The following ENTPD1 variants were observed in gnomAD, a reference collection of about 807,000 sequenced individuals.
The protein encoded by ENTPD1 is ATP diphosphohydrolase.
Under a neutral mutation model 57.0 loss-of-function variants are expected in ENTPD1, and 33 were observed. The observed-to-expected ratio is 0.58, with a 90% CI of 0.44 to 0.77. The LOEUF (loss-of-function observed/expected upper bound fraction) is 0.77, where lower values mean the gene tolerates loss of function less well. Ranked by LOEUF, ENTPD1 falls within the 30% of genes least tolerant of loss-of-function variation. The pLI is 0.00. For missense variants in ENTPD1, 501 were observed against 603.4 expected (o/e 0.83, Z 1.78); for synonymous variants, 202 against 218.8 (o/e 0.92, Z 0.68).
intron 7 of ENTPD1, among the ~76,000 whole-genome samples, chr10:95,853,780 G>A (rs2098449596): frequency 1.3e-5 from 2 of 152,196 alleles, no homozygotes; most frequent in Admixed American, 1.3e-4. Context: ...CAGGGATGAA[G>A]CCCACTTCAT....
intron 1 of ENTPD1, among the ~76,000 whole-genome samples, chr10:95,771,794 A>G (rs957741703): frequency 1.3e-5 from 2 of 152,162 alleles, no homozygotes; most frequent in East Asian, 1.9e-4. Flanking sequence ...ATTAGTCAAG[A>G]ACTGCCACCC....
chr10:95,706,759 T>C, the ENTPD1 span, among the ~76,000 whole-genome samples: 1 of 151,684 alleles, frequency 6.6e-6, no homozygotes, highest in African/African-American at 2.4e-5. Context: ...CAGCAGGGAG[T>C]CCCCACTCTG....
At chr10:95,752,153 T>C (rs2098013025), upstream of ENTPD1, among the ~76,000 whole-genome samples, 1 of 152,156 alleles carries the variant, frequency 6.6e-6, no homozygotes, top group Non-Finnish European at 1.5e-5. Flanking sequence ...TGGTCTTTGC[T>C]TTACAGGCCA....
At chr10:95,745,982 C>T (rs2098005653) in intron 1 of ENTPD1, among the ~76,000 whole-genome samples, 1 of 152,218 alleles carries the variant, frequency 6.6e-6, no homozygotes, top group South Asian at 2.1e-4. Context: ...CCTCTCCCAA[C>T]ATGGCCTCAG....
intron 1 of ENTPD1, among the ~76,000 whole-genome samples, chr10:95,806,702 G>A (rs1044220666): frequency 2.6e-5 from 4 of 152,182 alleles, no homozygotes; most frequent in Non-Finnish European, 5.9e-5. Context: ...TGATGTTGAT[G>A]CTATTTCCTT....
At position 95,876,461 on chromosome 10, in the gene ENTPD1, T is replaced by C. The variant is rs1423524326; in HGVS notation, c.*10078T>C. The stretch of plus-strand genomic sequence containing the variant: ...ATAGGCATACCATAATTGTAATCAA[T>C]AGCTTAAAAATATGTCTCTCTGTCC... On this transcript the variant is annotated 3_prime_UTR_variant, in exon 10 of 10. Transcript: ENST00000371205. 30 of 1,231,278 alleles carry C rather than the reference T, an allele frequency of 2.4e-5. No homozygotes were observed. The highest frequency in any genetic ancestry group is 2.9e-5 in the Non-Finnish European group (29 of 987,830). 76.3% of individuals were successfully genotyped at this position (1,231,278 alleles called of 1,614,324 possible).
intron 1 of ENTPD1, among the ~76,000 whole-genome samples, chr10:95,734,673 A>G (rs572604182): frequency 3.3e-5 from 5 of 152,246 alleles, no homozygotes; most frequent in Non-Finnish European, 7.3e-5. Context: ...AATGTTTATT[A>G]GTCAAGTATG....
upstream of ENTPD1, among the ~76,000 whole-genome samples, chr10:95,709,805 G>A (rs142662663): frequency 0.016 from 2,377 of 151,960 alleles, 62 homozygotes; most frequent in African/African-American, 0.054. Context: ...TCCCTCTGTC[G>A]TCCAGGCTGA....
intron 1 of ENTPD1, among the ~76,000 whole-genome samples, chr10:95,727,390 T>C (rs941681575): frequency 3.3e-5 from 5 of 152,234 alleles, no homozygotes; most frequent in African/African-American, 9.6e-5. Context: ...TCAAGGTCTC[T>C]ACCTCCTGTT....
At chr10:95,800,636 G>A (rs951559283) in intron 1 of ENTPD1, among the ~76,000 whole-genome samples, 1 of 152,082 alleles carries the variant, frequency 6.6e-6, no homozygotes, top group African/African-American at 2.4e-5. Context: ...CCCCAGGAAT[G>A]CATTCCTTCC....
chr10:95,775,398 G>T (rs997487386), intron 1 of ENTPD1, among the ~76,000 whole-genome samples: 4 of 152,182 alleles, frequency 2.6e-5, no homozygotes, highest in Non-Finnish European at 5.9e-5. Flanking sequence ...GGGCATCTCT[G>T]TCTTGTGCCA....
At chr10:95,730,688 A>T (rs1419670359) in intron 1 of ENTPD1, among the ~76,000 whole-genome samples, 1 of 152,242 alleles carries the variant, frequency 6.6e-6, no homozygotes. Flanking sequence ...TAAAAAAGAT[A>T]TGTGGTGGTA....
At chr10:95,783,974 A>G (rs1019684470) in intron 1 of ENTPD1, among the ~76,000 whole-genome samples, 2 of 152,148 alleles carry the variant, frequency 1.3e-5, no homozygotes, top group African/African-American at 2.4e-5. Context: ...GAAAGCGGGT[A>G]GAAAATCTAT....
chr10:95,724,778 A>G (rs868718489), intron 1 of ENTPD1, among the ~76,000 whole-genome samples: 1 of 152,244 alleles, frequency 6.6e-6, no homozygotes, highest in Admixed American at 6.5e-5. Context: ...TCAAGCCATA[A>G]CAAACATGGA....
At chr10:95,860,774 A>G in intron 8 of ENTPD1, among the ~76,000 whole-genome samples, 192 bp downstream of exon 8, 1 of 152,220 alleles carries the variant, frequency 6.6e-6, no homozygotes, top group East Asian at 1.9e-4. Flanking sequence ...AGTGGCTTAA[A>G]TAAGATCTTA....
intron 1 of ENTPD1, among the ~76,000 whole-genome samples, chr10:95,801,429 A>AT (rs1464266906): frequency 3.9e-5 from 6 of 152,136 alleles, no homozygotes. Context: ...CTAGCCAGTT[A>AT]TCCCAGCACC....
At chr10:95,694,621 A>C in the ENTPD1 span, among the ~76,000 whole-genome samples, 1 of 152,072 alleles carries the variant, frequency 6.6e-6, no homozygotes, top group Non-Finnish European at 1.5e-5. Flanking sequence ...GAATAAAAAA[A>C]AGAAACATTG....
chr10:95,846,221 GAAA>G (rs752668528), intron 6 of ENTPD1: 2 of 152,284 alleles, frequency 1.3e-5, no homozygotes, highest in Non-Finnish European at 2.9e-5. Context: ...TACAAAAAAA[GAAA>G]AAAAATTAGC....
In ENTPD1 at chr10:95,758,411, A is replaced by G. The variant is rs532793966; in HGVS notation, c.16+2156A>G. ...TTTAGAACAGGGCCTGATATATAGTATTGCTAAATAAATATTAACATTTGC... is the reference window on the plus strand; with the variant it reads ...TTTAGAACAGGGCCTGATATATAGTGTTGCTAAATAAATATTAACATTTGC... On this transcript the variant is annotated intron_variant, in intron 1 of 9. Coordinates refer to ENST00000371205, the MANE Select transcript of ENTPD1 (RefSeq NM_001776.6). 4.6e-5 allele frequency among the ~76,000 whole-genome samples: 7 copies of G among 152,330 alleles called. No homozygotes were observed. The South Asian group carries it at 1.4e-3, about 32-fold the overall frequency.
Sources: gnomAD v4.1 joint callset for allele counts (sites outside exome capture counted in the v4.1 genomes callset) on GRCh38, gnomAD v4.1.1 for gene constraint, MANE v1.5 for transcripts, NCBI Gene and HGNC (gene_info 2026-07-23, HGNC 2026-07-21) for gene names.